NREP: variants seen among roughly 807,000 people sequenced by gnomAD.
NREP encodes the protein neuronal regeneration-related protein.
NREP carries 5 observed loss-of-function variants against 8.6 expected under a neutral mutation model. The ratio of observed to expected loss-of-function variants is 0.58; its 90% CI spans 0.30 to 1.22. The LOEUF is 1.22. NREP is among the 50% of genes most tolerant of loss of function. The probability of loss-of-function intolerance (pLI) is 0.07; values close to 1 mark genes in which losing one functional copy is unlikely to be tolerated. For synonymous variants in NREP, 27 were observed against 28.0 expected (o/e 0.96, Z 0.11); for missense variants, 86 against 82.5 (o/e 1.04, Z -0.17).
intron 2 of NREP, among the ~76,000 whole-genome samples, chr5:111,880,160 C>T (rs923189722): frequency 6.6e-6 from 1 of 152,118 alleles, no homozygotes; most frequent in Non-Finnish European, 1.5e-5. Context: ...AGACACTAGG[C>T]AGATTTTTTT....
intron 2 of NREP, among the ~76,000 whole-genome samples, chr5:111,846,717 T>A (rs766143586): frequency 1.1e-4 from 16 of 152,182 alleles, no homozygotes; most frequent in Non-Finnish European, 2.1e-4. Context: ...TATTTTACTA[T>A]GCTCTGCATC....
intron 2 of NREP, among the ~76,000 whole-genome samples, chr5:111,839,598 C>T (rs1752975243): frequency 6.6e-6 from 1 of 151,870 alleles, no homozygotes; most frequent in Non-Finnish European, 1.5e-5. Flanking sequence ...TGTTGGTGAC[C>T]TTTCTGTTAT....
intron 2 of NREP, among the ~76,000 whole-genome samples, chr5:111,910,707 C>T (rs1754889074): frequency 6.6e-6 from 1 of 151,948 alleles, no homozygotes; most frequent in Admixed American, 6.6e-5. Context: ...ACTCAAAGCT[C>T]CCCCAGGACA....
At chr5:111,958,201 T>C (rs1273155392) in intron 2 of NREP, among the ~76,000 whole-genome samples, 2 of 151,910 alleles carry the variant, frequency 1.3e-5, no homozygotes, top group South Asian at 2.1e-4. Context: ...TTATGTTTTA[T>C]ATCTATACTC....
intron 2 of NREP, among the ~76,000 whole-genome samples, chr5:111,923,889 G>A (rs1391608153): frequency 6.6e-6 from 1 of 152,020 alleles, no homozygotes; most frequent in Non-Finnish European, 1.5e-5. Flanking sequence ...CCAAATCAAG[G>A]TGGTTAAAGA....
At chr5:111,824,296 G>A (rs1254165756) in intron 2 of NREP, among the ~76,000 whole-genome samples, 1 of 152,210 alleles carries the variant, frequency 6.6e-6, no homozygotes, top group Non-Finnish European at 1.5e-5. Flanking sequence ...ATGAACCAGG[G>A]AGGCGGAGCT....
At chr5:111,812,191 G>A (rs1265443232) in intron 2 of NREP, among the ~76,000 whole-genome samples, 1 of 152,134 alleles carries the variant, frequency 6.6e-6, no homozygotes, top group Admixed American at 6.5e-5. Context: ...GGAGGCTGAG[G>A]TGGGAAGACT....
chr5:111,851,784 GAC>G (rs1253990892), intron 2 of NREP, among the ~76,000 whole-genome samples: 1 of 152,108 alleles, frequency 6.6e-6, no homozygotes, highest in Non-Finnish European at 1.5e-5. Context: ...GTGTTCTAAT[GAC>G]ACAAAATAAC....
chr5:111,772,232 T>C (rs1751247665), intron 2 of NREP, among the ~76,000 whole-genome samples: 1 of 152,200 alleles, frequency 6.6e-6, no homozygotes, highest in Non-Finnish European at 1.5e-5. Flanking sequence ...TGTAAAATTA[T>C]CATCTCAATC....
chr5:111,823,293 T>C (rs1053680618), intron 2 of NREP, among the ~76,000 whole-genome samples: 2 of 152,116 alleles, frequency 1.3e-5, no homozygotes, highest in South Asian at 4.1e-4. Context: ...AAGACCCACC[T>C]CCAACAATGG....
intron 2 of NREP, among the ~76,000 whole-genome samples, chr5:111,957,217 G>A (rs1756349631): frequency 6.6e-6 from 1 of 151,578 alleles, no homozygotes; most frequent in South Asian, 2.1e-4. Context: ...AATTTAAAAT[G>A]GTAATTAACA....
Position 111,742,336 on chromosome 5 carries a change from C to CTGA in NREP, c.4-6832_4-6830dup, listed in dbSNP as rs1335326082. Among the ~76,000 whole-genome samples, 5 of 152,192 alleles carry CTGA rather than the reference C, an allele frequency of 3.3e-5. No individual in the cohort carries two copies. In the South Asian group the frequency reaches 6.2e-4, roughly 19 times the overall value. On this transcript the variant is annotated intron_variant, in intron 2 of 3. Transcript: ENST00000257435. ...ATCGTGAAGCCATCTTGAGAGGCCACTGATGAATATGTGGGAACCTGACAG... is the reference window on the plus strand; with the variant it reads ...ATCGTGAAGCCATCTTGAGAGGCCACTGATGATGAATATGTGGGAACCTGACAG...
intron 2 of NREP, among the ~76,000 whole-genome samples, chr5:111,835,883 A>C (rs1444134612): frequency 2.0e-5 from 3 of 152,146 alleles, no homozygotes; most frequent in Admixed American, 2.0e-4. Flanking sequence ...GGCTAGTCTG[A>C]GACTGAAAAT....
intron 2 of NREP, among the ~76,000 whole-genome samples, chr5:111,879,656 T>C (rs972524315): frequency 2.0e-5 from 3 of 152,184 alleles, no homozygotes; most frequent in Non-Finnish European, 4.4e-5. Context: ...CAGGTTGCCG[T>C]AACGATATAC....
intron 2 of NREP, chr5:111,975,245 G>A (rs746889228): frequency 1.3e-5 from 19 of 1,491,566 alleles, no homozygotes; most frequent in East Asian, 4.9e-5. Flanking sequence ...TAACAAACAC[G>A]AGCAAATCAG....
At chr5:111,943,774 A>G (rs981565233) in intron 2 of NREP, among the ~76,000 whole-genome samples, 1 of 152,068 alleles carries the variant, frequency 6.6e-6, no homozygotes, top group African/African-American at 2.4e-5. Context: ...AATAAGCCAT[A>G]CTTAATTTTC....
At chr5:111,946,232 T>TA (rs202149736) in intron 2 of NREP, among the ~76,000 whole-genome samples, 1,762 of 142,098 alleles carry the variant, frequency 0.012, 83 homozygotes, top group Admixed American at 0.1. Context: ...AGTTTCTTTC[T>TA]AAAAAAAAAA....
At chr5:111,742,090 T>C (rs771269944) in intron 2 of NREP, among the ~76,000 whole-genome samples, 3 of 152,190 alleles carry the variant, frequency 2.0e-5, no homozygotes, top group Non-Finnish European at 4.4e-5. Context: ...GGCTCACTAA[T>C]TGGTTAAACC....
intron 2 of NREP, among the ~76,000 whole-genome samples, chr5:111,829,099 A>G (rs902215075): frequency 6.8e-6 from 1 of 146,916 alleles, no homozygotes; most frequent in Non-Finnish European, 1.5e-5. Context: ...GTGTATCTGG[A>G]AAAAAAAAAA....
Sources: allele counts gnomAD v4.1 joint callset (sites outside exome capture counted in the v4.1 genomes callset), GRCh38; gene constraint gnomAD v4.1.1; transcripts MANE v1.5; gene names NCBI Gene and HGNC (gene_info 2026-07-23, HGNC 2026-07-21).